PABPC4L: variants seen among roughly 807,000 people sequenced by gnomAD.
PABPC4L encodes the protein polyadenylate-binding protein 4-like.
For missense variants in PABPC4L, 452 were observed against 451.4 expected, an observed-to-expected ratio of 1.00 and a Z score of -0.01; for synonymous variants, 169 against 164.1, an observed-to-expected ratio of 1.03 and a Z score of -0.23.
At chr4:134,066,456 T>C in the PABPC4L span, among the ~76,000 whole-genome samples, 1 of 152,132 alleles carries the variant, frequency 6.6e-6, no homozygotes, top group Admixed American at 6.6e-5. Flanking sequence ...GACTATTCGG[T>C]GTTCCAGGTA....
chr4:134,131,810 A>C, the PABPC4L span, among the ~76,000 whole-genome samples: 1 of 150,052 alleles, frequency 6.7e-6, no homozygotes, highest in Non-Finnish European at 1.5e-5. Context: ...ACTCAACTTC[A>C]CACTTTACTG....
chr4:133,981,804 T>C, the PABPC4L span, among the ~76,000 whole-genome samples: 1 of 152,076 alleles, frequency 6.6e-6, no homozygotes, highest in African/African-American at 2.4e-5. Context: ...TCTGGAACTC[T>C]TTATTAGTTT....
chr4:134,007,910 C>T, the PABPC4L span, among the ~76,000 whole-genome samples: 54,111 of 151,430 alleles, frequency 0.36, 11,868 homozygotes, highest in East Asian at 0.92. Context: ...GAAACTTTTA[C>T]TATGTCATAT....
the PABPC4L span, among the ~76,000 whole-genome samples, chr4:134,125,618 G>A: frequency 2.0e-5 from 3 of 152,030 alleles, no homozygotes; most frequent in Non-Finnish European, 4.4e-5. Flanking sequence ...GAATCATGCT[G>A]ACATATATCA....
At chr4:134,135,883 C>T in the PABPC4L span, among the ~76,000 whole-genome samples, 17,790 of 151,926 alleles carry the variant, frequency 0.12, 1,459 homozygotes, top group East Asian at 0.44. Context: ...GTACAATACC[C>T]ATTTCCCTAT....
the PABPC4L span, among the ~76,000 whole-genome samples, chr4:134,158,969 T>A: frequency 1.3e-5 from 2 of 152,066 alleles, no homozygotes; most frequent in African/African-American, 2.4e-5. Context: ...AACACAATGA[T>A]CAGTATTTGT....
the PABPC4L span, among the ~76,000 whole-genome samples, chr4:134,032,826 G>T: frequency 1.3e-5 from 2 of 151,596 alleles, no homozygotes; most frequent in Admixed American, 6.6e-5. Context: ...CTAGATCAAA[G>T]ATAATACTTA....
the PABPC4L span, among the ~76,000 whole-genome samples, chr4:134,180,462 A>G: frequency 5.4e-4 from 82 of 152,048 alleles, no homozygotes; most frequent in African/African-American, 2.0e-3. Flanking sequence ...TTGACAACCT[A>G]ATATCACAAT....
chr4:134,072,564 A>G, the PABPC4L span, among the ~76,000 whole-genome samples: 1 of 152,220 alleles, frequency 6.6e-6, no homozygotes, highest in Admixed American at 6.5e-5. Context: ...GCAAGAGTTT[A>G]GGAACAGAGG....
the PABPC4L span, among the ~76,000 whole-genome samples, chr4:134,013,523 C>T: frequency 6.6e-6 from 1 of 152,068 alleles, no homozygotes; most frequent in South Asian, 2.1e-4. Flanking sequence ...TTATTTTCTT[C>T]TGCGATGCCA....
At chr4:133,970,978 T>C in the PABPC4L span, among the ~76,000 whole-genome samples, 43 of 152,094 alleles carry the variant, frequency 2.8e-4, no homozygotes, top group Non-Finnish European at 5.7e-4. Flanking sequence ...TTTGTTATAG[T>C]AGCCCAAACA....
At chr4:134,123,786 A>C in the PABPC4L span, among the ~76,000 whole-genome samples, 1 of 151,974 alleles carries the variant, frequency 6.6e-6, no homozygotes, top group Non-Finnish European at 1.5e-5. Context: ...GAAATATCAG[A>C]TGTGAGCGTA....
At chr4:134,041,926 A>G in the PABPC4L span, among the ~76,000 whole-genome samples, 1 of 152,170 alleles carries the variant, frequency 6.6e-6, no homozygotes, top group Non-Finnish European at 1.5e-5. Context: ...ACTAATAAGT[A>G]TCTACCCACA....
the PABPC4L span, among the ~76,000 whole-genome samples, chr4:134,190,018 G>T: frequency 0.7 from 105,771 of 151,944 alleles, 38,139 homozygotes; most frequent in East Asian, 1. Flanking sequence ...GGAAAGCTCC[G>T]GAAAGTAAAA....
chr4:134,060,562 T>C, the PABPC4L span, among the ~76,000 whole-genome samples: 1 of 151,640 alleles, frequency 6.6e-6, no homozygotes, highest in Non-Finnish European at 1.5e-5. Context: ...TTCCATGCCC[T>C]AGATCCAAGA....
At chr4:133,994,301 C>G in the PABPC4L span, among the ~76,000 whole-genome samples, 1 of 151,990 alleles carries the variant, frequency 6.6e-6, no homozygotes, top group Non-Finnish European at 1.5e-5. Flanking sequence ...ACTGCTTTAC[C>G]CAAATTGGAT....
At chr4:134,123,428 C>G in the PABPC4L span, among the ~76,000 whole-genome samples, 1 of 152,036 alleles carries the variant, frequency 6.6e-6, no homozygotes, top group African/African-American at 2.4e-5. Flanking sequence ...AGGGCATCAC[C>G]TTATTTAACC....
the PABPC4L span, among the ~76,000 whole-genome samples, chr4:134,018,072 C>T: frequency 3.9e-5 from 6 of 152,060 alleles, no homozygotes; most frequent in African/African-American, 1.4e-4. Context: ...GACATTCCAC[C>T]ACAAAAGAAG....
the PABPC4L span, among the ~76,000 whole-genome samples, chr4:134,149,134 T>C: frequency 6.6e-6 from 1 of 152,100 alleles, no homozygotes; most frequent in Non-Finnish European, 1.5e-5. Flanking sequence ...CTGTTCAAGA[T>C]AATTAATCAG....
Sources: allele counts gnomAD v4.1 joint callset (sites outside exome capture counted in the v4.1 genomes callset), GRCh38; gene constraint gnomAD v4.1.1; transcripts MANE v1.5; gene names NCBI Gene and HGNC (gene_info 2026-07-23, HGNC 2026-07-21).